ELOVL1: variants seen among roughly 807,000 people sequenced by gnomAD.
ELOVL1 encodes very long chain fatty acid elongase 1.
ELOVL1 carries 10 observed loss-of-function variants against 37.8 expected under a neutral mutation model. The observed-to-expected ratio is 0.26, with a 90% CI of 0.16 to 0.45. ELOVL1 has a LOEUF of 0.45. Among genes scored for constraint, ELOVL1 ranks in the 20% least tolerant of loss-of-function variants. ELOVL1 has a pLI of 1.00. For synonymous variants in ELOVL1, 133 were observed against 123.8 expected (o/e 1.07, Z -0.49); for missense variants, 256 against 352.7 (o/e 0.73, Z 2.20).
In ELOVL1 at chr1:43,363,645, G is replaced by T. The variant is rs901599977; in HGVS notation, c.*271C>A. On this transcript the variant is annotated 3_prime_UTR_variant, in exon 8 of 8. Coordinates refer to ENST00000372458, the MANE Select transcript of ELOVL1 (RefSeq NM_022821.4). ...CCTCTCCCAAGTTTTAAGGCAGGGA[G>T]GGGGAAATAACTGTACAGCCCTTTT... 1 of 491,080 alleles carries T rather than the reference G, an allele frequency of 2.0e-6. No individual in the cohort carries two copies. Among genetic ancestry groups the T allele is most frequent in the East Asian group, 3.6e-5 (1 of 27,398 alleles). 30.4% of individuals were successfully genotyped at this position (491,080 alleles called of 1,614,324 possible).
In ELOVL1 at chr1:43,364,054, G is replaced by A. The variant is rs781779606; in HGVS notation, c.702C>T (p.His234=). 1.9e-6 allele frequency: 3 copies of A among 1,614,228 alleles called. No homozygotes were observed. The highest frequency in any genetic ancestry group is 2.5e-6 in the Non-Finnish European group (3 of 1,180,048). ...SCNYQYPVII[H]LIWMYGTIFF... ...AGATGGTGCCATACATCCAGATGAG[G>A]TGAATAATGACTGGGTACTGGTAGT... Residue 234 remains histidine (H), a synonymous_variant, in exon 8 of 8, where the codon CAC becomes CAT. Transcript: ENST00000372458. This position sits in a 1 kb window ranked among gnomAD's most constrained non-coding sequence, Gnocchi z 5.2.
rs1466745075 is a variant in ELOVL1, at chr1:43,365,580, C to T, written c.30G>A (p.Glu10=). ...GCGTCTTACCTGCGTGCTTCATCACCTCTTGGTACAAGTTCACAACAGCCT... is the reference window on the plus strand; with the variant it reads ...GCGTCTTACCTGCGTGCTTCATCACTTCTTGGTACAAGTTCACAACAGCCT... MEAVVNLYQ[E]VMKHADPRIQ... is the part of the protein sequence containing the mutation. Residue 10 remains glutamate, a synonymous_variant, in exon 2 of 8, where the codon GAG becomes GAA. Transcript: ENST00000372458. 1.9e-6 allele frequency: 3 copies of T among 1,613,996 alleles called. No individual in the cohort carries two copies. Among genetic ancestry groups the T allele is most frequent in the East Asian group, 4.5e-5 (2 of 44,892 alleles).
At chr1:43,365,144 T>C (rs1230845754) in intron 3 of ELOVL1, 42 bp downstream of exon 3, 1 of 1,609,790 alleles carries the variant, frequency 6.2e-7, no homozygotes, top group Admixed American at 1.7e-5. Context: ...CTGCTCCTTA[T>C]CCTGCTGACA....
At position 43,364,237 on chromosome 1, in the gene ELOVL1, T is replaced by C; in HGVS notation, c.618+87A>G. The C allele has an allele frequency of 3.1e-6, 5 of 1,609,502 alleles. No homozygotes were observed. Among genetic ancestry groups the C allele is most frequent in the Non-Finnish European group, 3.4e-6 (4 of 1,177,638 alleles). On this transcript the variant is annotated intron_variant, in intron 7 of 7. Transcript: ENST00000372458. The surrounding 1 kb of genome is among the most constrained non-coding windows in gnomAD (Gnocchi z 5.2). ...AAACGTTGAGTAGGGAGAGATGGGG[T>C]CAAAGGTGAGACAGACTGGATAAAG...
rs1199620631 is a variant in ELOVL1, at chr1:43,364,230, G to T, written c.619-93C>A. The T allele has an allele frequency of 6.2e-7, 1 of 1,609,990 alleles. No homozygotes were observed. Among genetic ancestry groups the T allele is most frequent in the Admixed American group, 1.7e-5 (1 of 59,884 alleles). ...AAGAGACAAACGTTGAGTAGGGAGAGATGGGGTCAAAGGTGAGACAGACTG... is the reference window on the plus strand; with the variant it reads ...AAGAGACAAACGTTGAGTAGGGAGATATGGGGTCAAAGGTGAGACAGACTG... On this transcript the variant is annotated intron_variant, in intron 7 of 7. Coordinates refer to ENST00000372458, the MANE Select transcript of ELOVL1 (RefSeq NM_022821.4). The surrounding 1 kb of genome is among the most constrained non-coding windows in gnomAD (Gnocchi z 5.2).
chr1:43,366,137 C>T (rs1647230499), intron 1 of ELOVL1: 1 of 182,764 alleles, frequency 5.5e-6, no homozygotes. Flanking sequence ...AGGGTCCCTC[C>T]TGTCCCTGCC....
At position 43,364,189 on chromosome 1, in the gene ELOVL1, G is replaced by A; in HGVS notation, c.619-52C>T. The A allele has an allele frequency of 1.2e-6, 2 of 1,610,864 alleles. No homozygotes were observed. Among genetic ancestry groups the A allele is most frequent in the South Asian group, 1.1e-5 (1 of 90,924 alleles). ...AGGGAATAGTGAGAGGACTAGAGGG[G>A]AAGAGGGGGTAGAGAAAGAGACAAA... On this transcript the variant is annotated intron_variant, in intron 7 of 7. Coordinates refer to ENST00000372458, the MANE Select transcript of ELOVL1 (RefSeq NM_022821.4). The surrounding 1 kb of genome is among the most constrained non-coding windows in gnomAD (Gnocchi z 5.2).
intron 1 of ELOVL1, 179 bp downstream of exon 1, chr1:43,367,736 G>C (rs919519711): frequency 6.6e-6 from 1 of 152,542 alleles, no homozygotes; most frequent in African/African-American, 2.4e-5. Context: ...CGGGGGTGTG[G>C]GGGAGGGAGG....
rs1438126939 is a variant in ELOVL1, at chr1:43,364,558, C to A, written c.465G>T (p.Gly155=). The A allele has an allele frequency of 3.1e-6, 5 of 1,614,038 alleles. No individual in the cohort carries two copies. The highest frequency in any genetic ancestry group is 3.3e-4 in the Middle Eastern group (2 of 6,060). ...ACCACTCACCCGGGGCAATCTTTACCCCCCACCACCAGCTCCAGGGAAGCA... is the reference window on the plus strand; with the variant it reads ...ACCACTCACCCGGGGCAATCTTTACACCCCACCACCAGCTCCAGGGAAGCA... The part of the protein sequence containing the change: ...HSVLPWSWWW[G]VKIAPGGMGS... Residue 155 remains glycine (G), a synonymous_variant, in exon 6 of 8, where the codon GGG becomes GGT. Coordinates refer to ENST00000372458, the MANE Select transcript of ELOVL1 (RefSeq NM_022821.4). This position sits in a 1 kb window ranked among gnomAD's most constrained non-coding sequence, Gnocchi z 5.2.
At chr1:43,367,251 C>A (rs1411574200) in intron 1 of ELOVL1, 2 of 152,614 alleles carry the variant, frequency 1.3e-5, no homozygotes, top group African/African-American at 4.8e-5. Context: ...AGCTCGGCCA[C>A]CGCCCAGGCA....
rs1647184634 is a variant in ELOVL1, at chr1:43,363,500, G to A, written c.*416C>T. On this transcript the variant is annotated 3_prime_UTR_variant, in exon 8 of 8. Transcript: ENST00000372458. ...GCCCACCCTGACCTTTGGCCCAGAA[G>A]CTACTGCTTCAGTGTGTGGGGTGGA... The A allele has an allele frequency of 2.7e-6, 1 of 372,012 alleles. No individual in the cohort carries two copies. The allele number at this position is 372,012 out of a possible 1,614,324, so 23.0% of individuals were successfully genotyped here.
chr1:43,364,002 A>G lies in ELOVL1; in HGVS notation c.754T>C (p.Tyr252His). The stretch of plus-strand genomic sequence containing the variant: ...CGCTTGCCCTTGGTATAAGAGTGAT[A>G]CCAGAAGTTGGAGAACAGCATGAAG... ...IFFMLFSNFW[Y>H]HSYTKGKRLP... Residue 252 changes from tyrosine (Y) to histidine (H), a missense_variant, in exon 8 of 8, where the codon TAT becomes CAT. Around this residue, in one of 3 missense-constraint regions of ELOVL1, gnomAD observed 59 missense variants for 73.3 expected, o/e 0.80. Coordinates refer to ENST00000372458, the MANE Select transcript of ELOVL1 (RefSeq NM_022821.4). This position sits in a 1 kb window ranked among gnomAD's most constrained non-coding sequence, Gnocchi z 5.2. 6.2e-7 allele frequency: 1 copy of G among 1,614,182 alleles called. No homozygotes were observed. Among genetic ancestry groups the G allele is most frequent in the Non-Finnish European group, 8.5e-7 (1 of 1,180,034 alleles).
At position 43,364,211 on chromosome 1, in the gene ELOVL1, CA is replaced by C; in HGVS notation, c.619-75del. ...GGGGAAGAGGGGGTAGAGAAAGAGACAAACGTTGAGTAGGGAGAGATGGGGT... is the reference window on the plus strand; with the variant it reads ...GGGGAAGAGGGGGTAGAGAAAGAGACAACGTTGAGTAGGGAGAGATGGGGT... On this transcript the variant is annotated intron_variant, in intron 7 of 7. Transcript: ENST00000372458. This position sits in a 1 kb window ranked among gnomAD's most constrained non-coding sequence, Gnocchi z 5.2. 6.2e-7 allele frequency: 1 copy of C among 1,609,418 alleles called. No homozygotes were observed. The highest frequency in any genetic ancestry group is 1.1e-5 in the South Asian group (1 of 90,620).
intron 3 of ELOVL1, 68 bp from the exon 4 acceptor site, chr1:43,365,076 G>A: frequency 6.3e-7 from 1 of 1,592,972 alleles, no homozygotes; most frequent in Admixed American, 1.8e-5. Flanking sequence ...TTCGCTAGCT[G>A]AGGACATGGA....
At position 43,364,584 on chromosome 1, in the gene ELOVL1, C is replaced by T; in HGVS notation, c.439G>A (p.Val147Met). Residue 147 changes from valine to methionine, a missense_variant, in exon 6 of 8, where the codon GTG becomes ATG. By Grantham distance (21) the Val-to-Met change is conservative. Coordinates refer to ENST00000372458, the MANE Select transcript of ELOVL1 (RefSeq NM_022821.4). This position sits in a 1 kb window ranked among gnomAD's most constrained non-coding sequence, Gnocchi z 5.2. ...CCCCACCACCAGCTCCAGGGAAGCA[C>T]AGAGTGATGGAAGACATGTAGGAAG... is the stretch of plus-strand genomic sequence containing the variant. Reference protein sequence around the residue: ...VTFLHVFHHSVLPWSWWWGVK... With the variant: ...VTFLHVFHHSMLPWSWWWGVK... 1.9e-6 allele frequency: 3 copies of T among 1,614,108 alleles called. No individual in the cohort carries two copies. The highest frequency in any genetic ancestry group is 2.2e-5 in the East Asian group (1 of 44,874).
In ELOVL1 at chr1:43,363,521, G is replaced by T; in HGVS notation, c.*395C>A. The T allele has an allele frequency of 2.6e-6, 1 of 380,558 alleles. No homozygotes were observed. Among genetic ancestry groups the T allele is most frequent in the South Asian group, 2.8e-5 (1 of 36,024 alleles). 23.6% of individuals were successfully genotyped at this position (380,558 alleles called of 1,614,324 possible). A position where few individuals can be genotyped will look rare whatever the true frequency, so the allele number is the denominator to read the frequency against. On this transcript the variant is annotated 3_prime_UTR_variant, in exon 8 of 8. Coordinates refer to ENST00000372458, the MANE Select transcript of ELOVL1 (RefSeq NM_022821.4). ...AGAAGCTACTGCTTCAGTGTGTGGGGTGGAGGAGTGAGACTGGGTCCACAG... is the reference window on the plus strand; with the variant it reads ...AGAAGCTACTGCTTCAGTGTGTGGGTTGGAGGAGTGAGACTGGGTCCACAG...
chr1:43,364,512 C>G lies in ELOVL1; in HGVS notation c.481+30G>C, dbSNP rs369394965. On this transcript the variant is annotated intron_variant, in intron 6 of 7. Coordinates refer to ENST00000372458, the MANE Select transcript of ELOVL1 (RefSeq NM_022821.4). The surrounding 1 kb of genome is among the most constrained non-coding windows in gnomAD (Gnocchi z 5.2). ...AGCAGAGTCCAGCCTCTGGTGCCCA[C>G]CCTTTCCCATAGTGGCCTTCACCAC... The G allele has an allele frequency of 6.2e-7, 1 of 1,613,980 alleles. No homozygotes were observed. The highest frequency in any genetic ancestry group is 1.7e-5 in the Admixed American group (1 of 60,000).
rs1647193774 is a variant in ELOVL1, at chr1:43,364,158, G to A, written c.619-21C>T. The A allele has an allele frequency of 1.9e-6, 3 of 1,613,448 alleles. No individual in the cohort carries two copies. Among genetic ancestry groups the A allele is most frequent in the Non-Finnish European group, 1.7e-6 (2 of 1,179,610 alleles). ...TGGATCTAGGATAGAGAAAGACCAG[G>A]GTCAGAGGGAATAGTGAGAGGACTA... On this transcript the variant is annotated intron_variant, in intron 7 of 7. Coordinates refer to ENST00000372458, the MANE Select transcript of ELOVL1 (RefSeq NM_022821.4). The surrounding 1 kb of genome is among the most constrained non-coding windows in gnomAD (Gnocchi z 5.2).
In ELOVL1 at chr1:43,364,658, A is replaced by G. The variant is rs1009180858; in HGVS notation, c.376-11T>C. 9 of 1,614,108 alleles carry G rather than the reference A, an allele frequency of 5.6e-6. No individual in the cohort carries two copies. In the South Asian group the frequency reaches 9.9e-5, roughly 18 times the overall value. On this transcript the variant is annotated splice_polypyrimidine_tract_variant and intron_variant, in intron 5 of 7. Coordinates refer to ENST00000372458, the MANE Select transcript of ELOVL1 (RefSeq NM_022821.4). The surrounding 1 kb of genome is among the most constrained non-coding windows in gnomAD (Gnocchi z 5.2). ...GAGAATAAAGATCACCTGAGAGAAG[A>G]GTGAGGGAAGGGGATTCAGAACCTG... is the stretch of plus-strand genomic sequence containing the variant.
Sources: gnomAD v4.1 joint callset for allele counts on GRCh38, gnomAD v4.1.1 for gene constraint, gnomAD v4.1.1 regional missense constraint, Gnocchi (gnomAD v3.1) non-coding constraint, MANE v1.5 for transcripts, NCBI Gene and HGNC (gene_info 2026-07-23, HGNC 2026-07-21) for gene names.